MTUS1: variants seen among roughly 807,000 people sequenced by gnomAD.
The protein encoded by MTUS1 is microtubule-associated tumor suppressor 1.
A neutral mutation model predicts 120.8 loss-of-function variants in MTUS1; 109 were observed. That is an observed-to-expected ratio of 0.90 (90% confidence interval 0.77 to 1.06). The LOEUF (loss-of-function observed/expected upper bound fraction) is 1.06, where lower values mean the gene tolerates loss of function less well. Ranked by LOEUF, MTUS1 falls within the 50% of genes least tolerant of loss-of-function variation. MTUS1 has a pLI of 0.00. For missense variants in MTUS1, 2,210 were observed against 1,486.3 expected (o/e 1.49, Z -8.01); for synonymous variants, 737 against 550.5 (o/e 1.34, Z -4.74).
At chr8:17,661,881 C>G (rs941815576) in intron 8 of MTUS1, among the ~76,000 whole-genome samples, 52 of 152,292 alleles carry the variant, frequency 3.4e-4, no homozygotes, top group African/African-American at 1.2e-3. Context: ...AACAGCTGGG[C>G]TGCAGTAATC....
Position 17,684,500 on chromosome 8 carries a change from T to C in MTUS1, c.2666A>G (p.Gln889Arg). The C allele has an allele frequency of 6.2e-7, 1 of 1,614,204 alleles. No individual in the cohort carries two copies. The highest frequency in any genetic ancestry group is 8.5e-7 in the Non-Finnish European group (1 of 1,180,032). The part of the protein sequence containing the change: ...RQKNPRSLCI[Q>R]PQTAPDALPP... ...CAGCGCATCGGGAGCTGTCTGTGGCTGGATACATAAGCTTCGAGGATTCTT... is the reference window on the plus strand; with the variant it reads ...CAGCGCATCGGGAGCTGTCTGTGGCCGGATACATAAGCTTCGAGGATTCTT... The change falls in exon 7 of 15, where the codon CAG becomes CGG. Residue 889 changes from glutamine to arginine, a missense_variant. Transcript: ENST00000693296.
intron 6 of MTUS1, among the ~76,000 whole-genome samples, chr8:17,690,940 T>C (rs1030142840): frequency 6.6e-6 from 1 of 152,194 alleles, no homozygotes; most frequent in African/African-American, 2.4e-5. Context: ...GCATATACTA[T>C]TAATAAAATA....
intron 8 of MTUS1, among the ~76,000 whole-genome samples, chr8:17,659,681 G>A (rs561164231): frequency 2.0e-5 from 3 of 152,110 alleles, no homozygotes; most frequent in African/African-American, 4.8e-5. Flanking sequence ...CTGGCGACAG[G>A]GAAAGACTTC....
At chr8:17,770,724 C>T (rs2049961032) in intron 1 of MTUS1, 1 of 152,194 alleles carries the variant, frequency 6.6e-6, no homozygotes. Context: ...TCCTTGGACT[C>T]TCTGCCAATG....
intron 1 of MTUS1, among the ~76,000 whole-genome samples, chr8:17,759,508 A>G (rs986998376): frequency 2.7e-5 from 4 of 150,566 alleles, no homozygotes; most frequent in Admixed American, 6.6e-5. Context: ...AATCTTCACA[A>G]TCTTTGACAT....
chr8:17,756,865 G>A (rs374170141), intron 1 of MTUS1, among the ~76,000 whole-genome samples: 1 of 152,240 alleles, frequency 6.6e-6, no homozygotes, highest in South Asian at 2.1e-4. Flanking sequence ...GAGAAGAGTA[G>A]GAGAGCTCTC....
intron 7 of MTUS1, chr8:17,676,454 C>T: frequency 1.6e-6 from 1 of 638,274 alleles, no homozygotes; most frequent in Middle Eastern, 4.1e-4. Context: ...CGCCATTGGC[C>T]CTCGGGCGTC....
intron 7 of MTUS1, chr8:17,676,212 C>T: frequency 2.8e-6 from 2 of 701,922 alleles, no homozygotes; most frequent in South Asian, 3.0e-5. Context: ...CCCTGAATTC[C>T]AGACAGCCTC....
At chr8:17,796,502 T>G (rs559989036) in intron 1 of MTUS1, among the ~76,000 whole-genome samples, 12 of 152,310 alleles carry the variant, frequency 7.9e-5, no homozygotes, top group African/African-American at 2.9e-4. Context: ...CACCCTTTCT[T>G]CCTTGATTGT....
intron 8 of MTUS1, among the ~76,000 whole-genome samples, chr8:17,662,329 A>C (rs1216797856): frequency 1.3e-5 from 2 of 151,464 alleles, no homozygotes; most frequent in Admixed American, 1.3e-4. Context: ...ACACAAAGTC[A>C]AAGTAGTCTT....
At chr8:17,654,355 G>A in intron 10 of MTUS1, 1 of 575,786 alleles carries the variant, frequency 1.7e-6, no homozygotes, top group East Asian at 2.8e-5. Context: ...TTAACACAAG[G>A]CTGGCATTTG....
chr8:17,647,321 A>C, intron 13 of MTUS1: 1 of 404,120 alleles, frequency 2.5e-6, no homozygotes, highest in East Asian at 4.6e-5. Flanking sequence ...AGTGGGTAAC[A>C]GATTTGTTCC....
intron 7 of MTUS1, chr8:17,676,480 C>T: frequency 1.6e-6 from 1 of 615,852 alleles, no homozygotes; most frequent in Non-Finnish European, 2.9e-6. Flanking sequence ...TCATGTCCTG[C>T]AGGTTACCGT....
In MTUS1 at chr8:17,751,379, T is replaced by C. The variant is rs538503797; in HGVS notation, c.2091+2338A>G. 2.6e-5 allele frequency among the ~76,000 whole-genome samples: 4 copies of C among 152,306 alleles called. No individual in the cohort carries two copies. In the South Asian group the frequency reaches 8.3e-4, roughly 32 times the overall value. ...TAAGAGCCTTTGAGTGCTGCTGAAG[T>C]GACCAACCGACATTCATGTTTCAGG... On this transcript the variant is annotated intron_variant, in intron 2 of 14. Coordinates refer to ENST00000693296, the MANE Select transcript of MTUS1 (RefSeq NM_001363059.2).
intron 1 of MTUS1, among the ~76,000 whole-genome samples, chr8:17,794,625 TA>T (rs1377108038): frequency 6.6e-6 from 1 of 152,208 alleles, no homozygotes; most frequent in Non-Finnish European, 1.5e-5. Flanking sequence ...TCACTTCAAT[TA>T]AAGCCTGTTG....
chr8:17,728,600 A>C (rs1032461906), intron 3 of MTUS1, among the ~76,000 whole-genome samples: 24 of 152,210 alleles, frequency 1.6e-4, no homozygotes, highest in Admixed American at 1.6e-3. Context: ...AGAAAACATC[A>C]TGTCTCACCA....
rs190736899 is a variant in MTUS1, at chr8:17,684,698, G to T, written c.2624-156C>A. 2.4e-4 allele frequency among the ~76,000 whole-genome samples: 37 copies of T among 152,334 alleles called. No individual in the cohort carries two copies. In the East Asian group the frequency reaches 4.0e-3, roughly 17 times the overall value. On this transcript the variant is annotated intron_variant, in intron 6 of 14. Transcript: ENST00000693296. ...TGGATGAGAACTGGAATGAATCGGA[G>T]ATCTAGACGGTTGGAATTCATGAAC...
chr8:17,772,579 A>T (rs1340385920), intron 1 of MTUS1, among the ~76,000 whole-genome samples: 1 of 152,250 alleles, frequency 6.6e-6, no homozygotes, highest in Non-Finnish European at 1.5e-5. Flanking sequence ...GTCAATTAAC[A>T]TAAGAAACCA....
intron 12 of MTUS1, among the ~76,000 whole-genome samples, 165 bp from the exon 13 acceptor site, chr8:17,650,127 T>C (rs573243013): frequency 1.6e-4 from 25 of 152,358 alleles, no homozygotes; most frequent in Admixed American, 1.3e-3. Flanking sequence ...CACCTTAATG[T>C]CGAAGACTGG....
Sources: allele counts gnomAD v4.1 joint callset (sites outside exome capture counted in the v4.1 genomes callset), GRCh38; gene constraint gnomAD v4.1.1; transcripts MANE v1.5; gene names NCBI Gene and HGNC (gene_info 2026-07-23, HGNC 2026-07-21).